FHIT: variants seen among roughly 807,000 people sequenced by gnomAD.
FHIT encodes the protein fragile histidine triad diadenosine triphosphatase, also known as bis(5'-adenosyl)-triphosphatase.
FHIT carries 19 observed loss-of-function variants against 17.9 expected under a neutral mutation model. That is an observed-to-expected ratio of 1.06 (90% CI 0.74 to 1.56). The LOEUF (loss-of-function observed/expected upper bound fraction) is 1.56, where lower values mean the gene tolerates loss of function less well. FHIT is among the 40% of genes most tolerant of loss of function. The pLI is 0.00. For missense variants in FHIT, 248 were observed against 189.2 expected, an observed-to-expected ratio of 1.31 and a Z score of -1.82; for synonymous variants, 81 against 69.7, an observed-to-expected ratio of 1.16 and a Z score of -0.81.
At chr3:61,165,441 T>G (rs527618847) in intron 2 of FHIT, 1 of 152,804 alleles carries the variant, frequency 6.5e-6, no homozygotes, top group African/African-American at 2.4e-5. Flanking sequence ...TGTCTTCTTT[T>G]GGGAAGTGTC....
At chr3:60,886,035 T>C (rs1553759205) in intron 3 of FHIT, among the ~76,000 whole-genome samples, 1 of 152,164 alleles carries the variant, frequency 6.6e-6, no homozygotes. Flanking sequence ...TATTAAATGC[T>C]CAATAAATAT....
chr3:61,241,234 G>A (rs1016012106), intron 1 of FHIT, among the ~76,000 whole-genome samples: 3 of 152,058 alleles, frequency 2.0e-5, no homozygotes, highest in African/African-American at 4.8e-5. Context: ...AACTGGAATC[G>A]CTAGTGCTCC....
intron 4 of FHIT, among the ~76,000 whole-genome samples, chr3:60,653,680 A>G (rs928647406): frequency 6.6e-6 from 1 of 151,846 alleles, no homozygotes; most frequent in Non-Finnish European, 1.5e-5. Flanking sequence ...AAAAAAAAAG[A>G]AGGTGGCCTA....
At chr3:60,051,326 C>T (rs201790838) in intron 5 of FHIT, among the ~76,000 whole-genome samples, 7 of 131,874 alleles carry the variant, frequency 5.3e-5, no homozygotes, top group South Asian at 2.5e-4. Context: ...ATTTAGGATG[C>T]TTTTTTTTTT....
At chr3:60,469,227 T>A (rs2032956200) in intron 5 of FHIT, among the ~76,000 whole-genome samples, 1 of 152,184 alleles carries the variant, frequency 6.6e-6, no homozygotes, top group Admixed American at 6.5e-5. Context: ...TTTTCTGTTA[T>A]CCCTTTGAAT....
At chr3:60,084,007 G>C (rs116163786) in intron 5 of FHIT, among the ~76,000 whole-genome samples, 115 of 150,982 alleles carry the variant, frequency 7.6e-4, no homozygotes, top group Non-Finnish European at 1.5e-3. Flanking sequence ...GTATTGACAA[G>C]AAAGATGACC....
Position 60,306,651 on chromosome 3 carries a change from C to T in FHIT, c.103+230209G>A, listed in dbSNP as rs79811354. 7.2e-5 allele frequency among the ~76,000 whole-genome samples: 11 copies of T among 152,158 alleles called. No individual in the cohort carries two copies. In the East Asian group the frequency reaches 9.7e-4, roughly 13 times the overall value. ...CTTCATAATGATTCTTGACAATACA[C>T]GTGCAAAATTAAAATGGGTCTCTTT... On this transcript the variant is annotated intron_variant, in intron 5 of 9. Transcript: ENST00000492590.
At chr3:60,022,380 T>C (rs917907597) in intron 5 of FHIT, among the ~76,000 whole-genome samples, 1 of 152,222 alleles carries the variant, frequency 6.6e-6, no homozygotes, top group South Asian at 2.1e-4. Flanking sequence ...TTCTGGACCC[T>C]TGCAGTTGGG....
chr3:59,982,664 G>A (rs1265299925), intron 7 of FHIT, among the ~76,000 whole-genome samples: 1 of 152,132 alleles, frequency 6.6e-6, no homozygotes, highest in African/African-American at 2.4e-5. Flanking sequence ...ATGAAGTTCT[G>A]AGCTAGGTTA....
chr3:60,472,191 G>T lies in FHIT; in HGVS notation c.103+64669C>A, dbSNP rs75577149. 9.5e-3 allele frequency among the ~76,000 whole-genome samples: 1,441 copies of T among 151,294 alleles called. 12 individuals are homozygous for T. The highest frequency in any genetic ancestry group is 0.029 in the East Asian group (150 of 5,140). ...AAAAGAGCAAAAACAACAGCAAGAG[G>T]AAAGATATATATTTAAGAAAAAAGC... is the stretch of plus-strand genomic sequence containing the variant. On this transcript the variant is annotated intron_variant, in intron 5 of 9. Transcript: ENST00000492590.
chr3:60,344,130 T>A (rs867029069), intron 5 of FHIT, among the ~76,000 whole-genome samples: 28 of 152,308 alleles, frequency 1.8e-4, no homozygotes, highest in African/African-American at 5.8e-4. Flanking sequence ...ATAATTCCTT[T>A]AAAAAGTAAT....
intron 8 of FHIT, among the ~76,000 whole-genome samples, chr3:59,795,569 C>G (rs957252899): frequency 2.0e-5 from 3 of 150,742 alleles, no homozygotes; most frequent in African/African-American, 7.3e-5. Flanking sequence ...CCAAAAAATA[C>G]AAAAATGAGC....
At chr3:60,643,114 TA>T (rs546311980) in intron 4 of FHIT, among the ~76,000 whole-genome samples, 2 of 152,182 alleles carry the variant, frequency 1.3e-5, no homozygotes, top group Non-Finnish European at 1.5e-5. Flanking sequence ...ATCTGGCTCA[TA>T]GTAGGCACCC....
At position 60,340,947 on chromosome 3, in the gene FHIT, C is replaced by T. The variant is rs764270460; in HGVS notation, c.103+195913G>A. Reference sequence around the variant, plus strand: ...CCTTGTGATGCGCCCATCTCAGCCTCCCAAAGTGCTGGATTACAGGTGTGA... The same window carrying T: ...CCTTGTGATGCGCCCATCTCAGCCTTCCAAAGTGCTGGATTACAGGTGTGA... On this transcript the variant is annotated intron_variant, in intron 5 of 9. Transcript: ENST00000492590. 7.9e-5 allele frequency among the ~76,000 whole-genome samples: 12 copies of T among 152,144 alleles called. 1 individual carries two copies. Among genetic ancestry groups the T allele is most frequent in the Non-Finnish European group, 1.8e-4 (12 of 68,034 alleles).
intron 5 of FHIT, among the ~76,000 whole-genome samples, chr3:60,427,469 C>G (rs554151259): frequency 4.1e-4 from 62 of 152,210 alleles, no homozygotes; most frequent in Middle Eastern, 3.4e-3. Flanking sequence ...CCTAAATATT[C>G]CAGCCCATGA....
chr3:60,928,899 A>G (rs1257221664), intron 3 of FHIT, among the ~76,000 whole-genome samples: 9 of 152,220 alleles, frequency 5.9e-5, no homozygotes, highest in African/African-American at 2.2e-4. Context: ...AAAGCCTGGC[A>G]GAGACACAAC....
At chr3:61,098,252 TGGTTGTA>T (rs2035704667) in intron 2 of FHIT, among the ~76,000 whole-genome samples, 1 of 152,222 alleles carries the variant, frequency 6.6e-6, no homozygotes, top group South Asian at 2.1e-4. Context: ...GAAGATCAGA[TGGTTGTA>T]GGTGTACAGC....
intron 4 of FHIT, among the ~76,000 whole-genome samples, chr3:60,817,838 TTC>T (rs1482178033): frequency 1.3e-5 from 2 of 152,104 alleles, no homozygotes; most frequent in Non-Finnish European, 2.9e-5. Flanking sequence ...TTCTGTTTCA[TTC>T]TCTTTCTCTT....
At position 60,758,979 on chromosome 3, in the gene FHIT, C is replaced by T. The variant is rs895105606; in HGVS notation, c.-18+62940G>A. On this transcript the variant is annotated intron_variant, in intron 4 of 9. Transcript: ENST00000492590. ...CTAAAGGAAAAGATGAAGCAAGCTA[C>T]GGCGATGTCCAGGGCAAGTGTGTTC... Among the ~76,000 whole-genome samples, 11 of 152,068 alleles carry T rather than the reference C, an allele frequency of 7.2e-5. No homozygotes were observed. The East Asian group carries it at 1.4e-3, about 19-fold the overall frequency.
Sources: allele counts gnomAD v4.1 joint callset (sites outside exome capture counted in the v4.1 genomes callset), GRCh38; gene constraint gnomAD v4.1.1; transcripts MANE v1.5; gene names NCBI Gene and HGNC (gene_info 2026-07-23, HGNC 2026-07-21).